Variants in ZNF418 observed in about 807,000 individuals in gnomAD.
ZNF418 encodes the protein zinc finger protein 418.
A neutral mutation model predicts 32.0 loss-of-function variants in ZNF418; 32 were observed. The observed-to-expected ratio is 1.00, with a 90% confidence interval of 0.75 to 1.34. The LOEUF (loss-of-function observed/expected upper bound fraction) is 1.34, where lower values mean the gene tolerates loss of function less well. Among genes scored for constraint, ZNF418 ranks in the 40% most tolerant of loss-of-function variants. The pLI, the probability that ZNF418 is intolerant of heterozygous loss-of-function variation, is 0.00. For missense variants in ZNF418, 804 were observed against 812.5 expected (o/e 0.99, Z 0.13); for synonymous variants, 276 against 270.7 (o/e 1.02, Z -0.19).
Position 57,935,189 on chromosome 19 carries a change from G to C in ZNF418, c.-109C>G. ...AGCCGGGAGCCTCAGCGCGGCCGCC[G>C]CCATCCCGAGTACGCGGGGAAAGCA... On this transcript the variant is annotated 5_prime_UTR_variant, in exon 1 of 6. Coordinates refer to ENST00000396147, the MANE Select transcript of ZNF418 (RefSeq NM_133460.3). The C allele has an allele frequency of 6.9e-6, 9 of 1,301,874 alleles. No homozygotes were observed. Among genetic ancestry groups the C allele is most frequent in the Non-Finnish European group, 8.0e-6 (8 of 1,005,548 alleles). 80.6% of individuals were successfully genotyped at this position (1,301,874 alleles called of 1,614,324 possible).
Position 57,927,935 on chromosome 19 carries a change from G to A in ZNF418, c.246C>T (p.His82=). The A allele has an allele frequency of 4.3e-6, 7 of 1,613,940 alleles. No homozygotes were observed. Among genetic ancestry groups the A allele is most frequent in the Non-Finnish European group, 5.9e-6 (7 of 1,179,922 alleles). ...AGATCGCGCCACACATTTCACAAGA[G>A]TGGGCCTTCTTGGGAGACACACCTG... is the stretch of plus-strand genomic sequence containing the variant. ...PGAGVSPKKA[H]SCEMCGAILG... is the part of the protein sequence containing the mutation. Residue 82 remains histidine, a synonymous_variant, in exon 4 of 6, where the codon CAC becomes CAT. Coordinates refer to ENST00000396147, the MANE Select transcript of ZNF418 (RefSeq NM_133460.3).
At chr19:57,922,673 T>C in intron 5 of ZNF418, 44 bp from the exon 6 acceptor site, 1 of 398,376 alleles carries the variant, frequency 2.5e-6, no homozygotes. Context: ...TACTTAAATA[T>C]ATGGGACACC....
Position 57,926,306 on chromosome 19 carries a change from C to T in ZNF418, c.1875G>A (p.Gly625=). Residue 625 remains glycine, a synonymous_variant, in exon 4 of 6, where the codon GGG becomes GGA. Coordinates refer to ENST00000396147, the MANE Select transcript of ZNF418 (RefSeq NM_133460.3). The part of the protein sequence containing the change: ...RGKPYECSEC[G]KSFAETFSLT... ...GACTGAAGGTTTCAGCAAAGGATTT[C>T]CCACATTCGCTGCACTCGTAAGGCT... 1 of 1,606,646 alleles carries T rather than the reference C, an allele frequency of 6.2e-7. No homozygotes were observed. The highest frequency in any genetic ancestry group is 8.5e-7 in the Non-Finnish European group (1 of 1,175,470).
At chr19:57,932,653 A>G (rs991233936) in intron 2 of ZNF418, 25 of 1,418,918 alleles carry the variant, frequency 1.8e-5, no homozygotes, top group Admixed American at 3.0e-5. Flanking sequence ...TGGTCTAAGA[A>G]AAGTGGAAAA....
intron 4 of ZNF418, among the ~76,000 whole-genome samples, chr19:57,923,527 C>CAT (rs1181389397): frequency 3.0e-5 from 4 of 133,146 alleles, no homozygotes; most frequent in Non-Finnish European, 6.6e-5. Flanking sequence ...TACATATATA[C>CAT]ATATATATAC....
chr19:57,930,352 GAC>G, intron 3 of ZNF418, 74 bp downstream of exon 3: 1 of 1,604,046 alleles, frequency 6.2e-7, no homozygotes, highest in Non-Finnish European at 8.5e-7. Flanking sequence ...CATGATAAAA[GAC>G]AGTCTTGCCA....
chr19:57,924,541 T>C (rs1003394935), intron 4 of ZNF418, among the ~76,000 whole-genome samples: 7 of 152,260 alleles, frequency 4.6e-5, no homozygotes, highest in Non-Finnish European at 8.8e-5. Flanking sequence ...TGAATCAATG[T>C]GGATGACGTG....
intron 5 of ZNF418, 72 bp from the exon 6 acceptor site, chr19:57,922,701 G>GA (rs2072037694): frequency 2.5e-6 from 1 of 397,638 alleles, no homozygotes; most frequent in East Asian, 3.6e-5. Flanking sequence ...TAAATTGCAA[G>GA]AAAAAAACCA....
At chr19:57,934,968 C>G in intron 1 of ZNF418, 193 bp downstream of exon 1, 1 of 1,402,148 alleles carries the variant, frequency 7.1e-7, no homozygotes, top group Non-Finnish European at 9.4e-7. Context: ...AGGCCATAGC[C>G]CGCGCCGGTC....
rs747201213 is a variant in ZNF418, at chr19:57,927,519, T to C, written c.662A>G (p.Gln221Arg). ...TTCCTCTCTAGAGGGAAGTCTCTGCTGTTGAACAAATACGTGTTTGGTGCT... is the reference window on the plus strand; with the variant it reads ...TTCCTCTCTAGAGGGAAGTCTCTGCCGTTGAACAAATACGTGTTTGGTGCT... The part of the protein sequence containing the change: ...HSSTKHVFVQ[Q>R]QRLPSREECY... Residue 221 changes from glutamine to arginine, a missense_variant, in exon 4 of 6, where the codon CAG (glutamine) becomes CGG (arginine). Gln to Arg is a conservative substitution (Grantham distance 43). Around this residue, in one of 3 missense-constraint regions of ZNF418, gnomAD observed 307 missense variants for 304.9 expected, o/e 1.01. Coordinates refer to ENST00000396147, the MANE Select transcript of ZNF418 (RefSeq NM_133460.3). 261 of 1,614,250 alleles carry C rather than the reference T, an allele frequency of 1.6e-4. 1 individual carries two copies. The highest frequency in any genetic ancestry group is 1.4e-3 in the South Asian group (131 of 91,088).
At position 57,927,244 on chromosome 19, in the gene ZNF418, G is replaced by T; in HGVS notation, c.937C>A (p.Pro313Thr). 6.2e-7 allele frequency: 1 copy of T among 1,614,152 alleles called. No homozygotes were observed. Among genetic ancestry groups the T allele is most frequent in the Non-Finnish European group, 8.5e-7 (1 of 1,180,030 alleles). Residue 313 changes from proline to threonine, a missense_variant, in exon 4 of 6, where the codon CCT becomes ACT. Pro to Thr is a conservative substitution (Grantham distance 38, BLOSUM62 -1). Around this residue, in one of 3 missense-constraint regions of ZNF418, gnomAD observed 475 missense variants for 458.6 expected, o/e 1.04. Coordinates refer to ENST00000396147, the MANE Select transcript of ZNF418 (RefSeq NM_133460.3). ...QHQRVHTGERPYECGECGKSF... is the reference protein window; with the variant it reads ...QHQRVHTGERTYECGECGKSF... ...TTCCCACATTCTCCACACTCATAAG[G>T]TCTTTCTCCAGTATGAACTCGCTGA...
rs1265734228 is a variant in ZNF418, at chr19:57,922,437, G to C, written c.*818C>G. Reference sequence around the variant, plus strand: ...GTAATTCACAAGAAATTCTCCAAGAGGGAGTTACCAATTCAACACATATTT... The same window carrying C: ...GTAATTCACAAGAAATTCTCCAAGACGGAGTTACCAATTCAACACATATTT... On this transcript the variant is annotated 3_prime_UTR_variant, in exon 6 of 6. Transcript: ENST00000396147. 2.5e-6 allele frequency: 1 copy of C among 396,428 alleles called. No homozygotes were observed. The highest frequency in any genetic ancestry group is 4.4e-6 in the Non-Finnish European group (1 of 225,056). The allele number at this position is 396,428 out of a possible 1,614,324, so 24.6% of individuals were successfully genotyped here. A position where few individuals can be genotyped will look rare whatever the true frequency, so the allele number is the denominator to read the frequency against.
chr19:57,927,679 A>G lies in ZNF418; in HGVS notation c.502T>C (p.Phe168Leu). ...SSIFIQSGKD[F>L]LPSSGLLLQE... is the part of the protein sequence containing the mutation. ...AGCAGTAATCCTGAGCTGGGCAAAA[A>G]GTCCTTTCCACTCTGAATGAAGATA... Residue 168 changes from phenylalanine to leucine, a missense_variant, in exon 4 of 6, where the codon TTT becomes CTT. Coordinates refer to ENST00000396147, the MANE Select transcript of ZNF418 (RefSeq NM_133460.3). 6.2e-7 allele frequency: 1 copy of G among 1,614,200 alleles called. No individual in the cohort carries two copies. The highest frequency in any genetic ancestry group is 8.5e-7 in the Non-Finnish European group (1 of 1,180,032).
rs1449306416 is a variant in ZNF418, at chr19:57,926,421, C to T, written c.1760G>A (p.Gly587Glu). Residue 587 changes from glycine (G) to glutamate (E), a missense_variant, in exon 4 of 6, where the codon GGA becomes GAA. Physicochemically the swap from Gly to Glu is moderately conservative, Grantham distance 98. Around this residue, in one of 3 missense-constraint regions of ZNF418, gnomAD observed 475 missense variants for 458.6 expected, o/e 1.04. Coordinates refer to ENST00000396147, the MANE Select transcript of ZNF418 (RefSeq NM_133460.3). The part of the protein sequence containing the change: ...SLLEHRRVHT[G>E]ERPYECRECG... ...TTCCCTGCATTCATAAGGCCTTTCTCCAGTGTGAACTCTCCTGTGTTCAAG... is the reference window on the plus strand; with the variant it reads ...TTCCCTGCATTCATAAGGCCTTTCTTCAGTGTGAACTCTCCTGTGTTCAAG... 2.5e-6 allele frequency: 4 copies of T among 1,614,156 alleles called. No homozygotes were observed. In the South Asian group the frequency reaches 3.3e-5, roughly 13 times the overall value.
chr19:57,935,091 C>T (rs1436845171), intron 1 of ZNF418, 70 bp downstream of exon 1: 2 of 1,302,830 alleles, frequency 1.5e-6, no homozygotes, highest in Non-Finnish European at 2.0e-6. Context: ...TGTGAACAGT[C>T]GCCGCTCTCT....
At chr19:57,930,688 G>A in intron 2 of ZNF418, 134 bp from the exon 3 acceptor site, 13 of 1,341,402 alleles carry the variant, frequency 9.7e-6, no homozygotes, top group Non-Finnish European at 1.2e-5. Context: ...CTAGTCCACT[G>A]GTGCCTTTGT....
At chr19:57,923,323 CA>C (rs1239801609) in intron 4 of ZNF418, 34 bp from the exon 5 acceptor site, 3 of 151,648 alleles carry the variant, frequency 2.0e-5, no homozygotes, top group Non-Finnish European at 2.9e-5. Context: ...AAGAAAGAAT[CA>C]AAAGCAACTT....
chr19:57,925,925 T>G lies in ZNF418; in HGVS notation c.*225A>C. ...TCCTGTACGTGTACAGTGTTTTCCT[T>G]ATGAGAACAATCTGTTATCCAATGA... On this transcript the variant is annotated 3_prime_UTR_variant, in exon 4 of 6. Transcript: ENST00000396147. 1.8e-6 allele frequency: 1 copy of G among 553,066 alleles called. No individual in the cohort carries two copies. The highest frequency in any genetic ancestry group is 2.9e-5 in the East Asian group (1 of 34,904). The allele number at this position is 553,066 out of a possible 1,614,324, so 34.3% of individuals were successfully genotyped here. A position where few individuals can be genotyped will look rare whatever the true frequency, so the allele number is the denominator to read the frequency against.
intron 2 of ZNF418, among the ~76,000 whole-genome samples, chr19:57,931,607 GTTTC>G (rs2072491149): frequency 6.6e-6 from 1 of 152,176 alleles, no homozygotes; most frequent in African/African-American, 2.4e-5. Flanking sequence ...TACAGTTTTG[GTTTC>G]TTTTAGTCAG....
Sources: allele counts gnomAD v4.1 joint callset (sites outside exome capture counted in the v4.1 genomes callset), GRCh38; gene constraint gnomAD v4.1.1; regional missense constraint gnomAD v4.1.1; transcripts MANE v1.5; gene names NCBI Gene and HGNC (gene_info 2026-07-23, HGNC 2026-07-21).